Variants in TMEM39A observed in about 807,000 individuals in gnomAD.
TMEM39A encodes the protein suppressor of SQST-1 aggregates in rpl-43 mutants.
A neutral mutation model predicts 51.9 loss-of-function variants in TMEM39A; 19 were observed. The observed-to-expected ratio is 0.37, with a 90% CI of 0.26 to 0.54. The LOEUF is 0.54. Among genes scored for constraint, TMEM39A ranks in the 20% least tolerant of loss-of-function variants. TMEM39A has a pLI of 0.88. For missense variants in TMEM39A, 433 were observed against 590.5 expected (o/e 0.73, Z 2.76); for synonymous variants, 197 against 220.2 (o/e 0.89, Z 0.93).
intron 7 of TMEM39A, among the ~76,000 whole-genome samples, chr3:119,436,268 A>G (rs1439760934): frequency 6.6e-6 from 1 of 152,234 alleles, no homozygotes; most frequent in African/African-American, 2.4e-5. Context: ...ACACAGGAGA[A>G]GCAGGGAAAT....
At chr3:119,451,824 C>A (rs2081203434) in intron 4 of TMEM39A, among the ~76,000 whole-genome samples, 1 of 83,334 alleles carries the variant, frequency 1.2e-5, no homozygotes, top group African/African-American at 5.8e-5. Context: ...GAGTGAAACT[C>A]CGTCTCAAAA....
At chr3:119,452,662 T>C (rs1040766865) in intron 3 of TMEM39A, 132 bp from the exon 4 acceptor site, 4 of 631,174 alleles carry the variant, frequency 6.3e-6, no homozygotes, top group Admixed American at 6.2e-5. Context: ...TATGGGAATA[T>C]GAGAGATCTT....
chr3:119,442,220 G>A lies in TMEM39A; in HGVS notation c.576-4117C>T, dbSNP rs369246864. Among the ~76,000 whole-genome samples the A allele has an allele frequency of 7.2e-5, 11 of 152,106 alleles. No homozygotes were observed. In the South Asian group the frequency reaches 2.1e-3, roughly 29 times the overall value. On this transcript the variant is annotated intron_variant, in intron 5 of 8. Transcript: ENST00000319172. ...TAGCCAGGCATGGTGGCATGCACCT[G>A]TAGTCCCAGCTACTTGGGAGGCTGA...
At chr3:119,435,541 T>A in intron 7 of TMEM39A, 1 of 984,348 alleles carries the variant, frequency 1.0e-6, no homozygotes, top group South Asian at 4.7e-5. Context: ...CATAATGGAG[T>A]TTGGGTGGGG....
Position 119,458,170 on chromosome 3 carries a change from A to G in TMEM39A, c.184T>C (p.Cys62Arg), listed in dbSNP as rs1284588430. 1 of 1,614,222 alleles carries G rather than the reference A, an allele frequency of 6.2e-7. No homozygotes were observed. Among genetic ancestry groups the G allele is most frequent in the East Asian group, 2.2e-5 (1 of 44,888 alleles). The change falls in exon 3 of 9, where the codon TGC becomes CGC. Residue 62 changes from cysteine to arginine, a missense_variant. By Grantham distance (180) the Cys-to-Arg change is radical. Transcript: ENST00000319172. The part of the protein sequence containing the change: ...ALITPGPVRH[C>R]QIPDLPVDGS... ...TCCACAGGCAAGTCAGGAATTTGGC[A>G]ATGACGAACAGGACCTGGGGTGATT...
At chr3:119,452,676 G>GGTACGTAGTCTCTTCA in intron 3 of TMEM39A, 146 bp from the exon 4 acceptor site, 3 of 585,144 alleles carry the variant, frequency 5.1e-6, no homozygotes, top group Non-Finnish European at 8.9e-6. Flanking sequence ...AGATCTTGAA[G>GGTACGTAGTCTCTTCA]AGACTACGTA....
chr3:119,458,856 T>C (rs889874424), intron 2 of TMEM39A, among the ~76,000 whole-genome samples: 4 of 152,046 alleles, frequency 2.6e-5, no homozygotes, highest in Non-Finnish European at 4.4e-5. Flanking sequence ...GGTAGCACCA[T>C]TGCACTACAG....
chr3:119,451,300 G>A (rs1404229517), intron 4 of TMEM39A: 3 of 1,288,854 alleles, frequency 2.3e-6, no homozygotes, highest in Non-Finnish European at 3.0e-6. Flanking sequence ...CTGAAAATCA[G>A]AGCTTACACA....
intron 7 of TMEM39A, chr3:119,435,239 T>C (rs1577047099): frequency 1.0e-6 from 1 of 985,416 alleles, no homozygotes; most frequent in Non-Finnish European, 1.2e-6. Flanking sequence ...GTGGAAATGC[T>C]AGAGGGAACA....
chr3:119,447,360 AGTT>A (rs2081141601), intron 4 of TMEM39A, among the ~76,000 whole-genome samples, 188 bp from the exon 5 acceptor site: 1 of 152,222 alleles, frequency 6.6e-6, no homozygotes, highest in Non-Finnish European at 1.5e-5. Flanking sequence ...CTCCAGGCAC[AGTT>A]GTTTCCTTCT....
chr3:119,435,789 T>C (rs1374760079), intron 7 of TMEM39A: 1 of 1,215,836 alleles, frequency 8.2e-7, no homozygotes. Context: ...CATGGCCATG[T>C]GCCATCAGTA....
In TMEM39A at chr3:119,437,989, A is replaced by C. The variant is rs200639643; in HGVS notation, c.690T>G (p.Thr230=). Residue 230 remains threonine (T), a synonymous_variant, in exon 6 of 9, where the codon ACT becomes ACG. Transcript: ENST00000319172. ...QHEAVEESAS[T]VGGLAKSKDF... ...CTTTGGATTTGGCCAAGCCTCCCAC[A>C]GTCGAGGCACTTTCCTCTACTGCCT... is the stretch of plus-strand genomic sequence containing the variant. 5.1e-5 allele frequency: 83 copies of C among 1,614,216 alleles called. 1 individual carries two copies. The East Asian group carries it at 9.4e-4, about 18-fold the overall frequency.
intron 5 of TMEM39A, among the ~76,000 whole-genome samples, chr3:119,445,752 A>G (rs995840543): frequency 6.6e-5 from 10 of 152,256 alleles, no homozygotes; most frequent in Non-Finnish European, 2.9e-5. Flanking sequence ...TGGACAGATA[A>G]GTATTACACA....
intron 5 of TMEM39A, among the ~76,000 whole-genome samples, chr3:119,440,402 A>G (rs1222937716): frequency 6.6e-6 from 1 of 152,228 alleles, no homozygotes; most frequent in African/African-American, 2.4e-5. Context: ...TAAATTTCCC[A>G]TTGTGAAAAT....
At chr3:119,441,845 C>T (rs1402359802) in intron 5 of TMEM39A, among the ~76,000 whole-genome samples, 4 of 152,204 alleles carry the variant, frequency 2.6e-5, no homozygotes, top group South Asian at 2.1e-4. Flanking sequence ...TAGTGGCTAA[C>T]GCAGCTGGTA....
intron 3 of TMEM39A, among the ~76,000 whole-genome samples, chr3:119,455,670 G>C (rs541273743): frequency 6.6e-6 from 1 of 152,298 alleles, no homozygotes; most frequent in South Asian, 2.1e-4. Flanking sequence ...ATAACAGCAG[G>C]TTCCTGATTA....
In TMEM39A at chr3:119,430,750, G is replaced by A. The variant is rs1168488554; in HGVS notation, c.*1231C>T. 1 of 152,080 alleles carries A rather than the reference G, an allele frequency of 6.6e-6. No homozygotes were observed. 9.4% of individuals were successfully genotyped at this position (152,080 alleles called of 1,614,324 possible). A position where few individuals can be genotyped will look rare whatever the true frequency, so the allele number is the denominator to read the frequency against. ...AAGCCTTTCAGGAACTCTTCTGCAA[G>A]AATTATTTTCAGAGCCAGCTTGTCA... On this transcript the variant is annotated 3_prime_UTR_variant, in exon 9 of 9. Coordinates refer to ENST00000319172, the MANE Select transcript of TMEM39A (RefSeq NM_018266.3).
At chr3:119,443,517 C>T (rs1405606775) in intron 5 of TMEM39A, among the ~76,000 whole-genome samples, 1 of 152,202 alleles carries the variant, frequency 6.6e-6, no homozygotes, top group African/African-American at 2.4e-5. Flanking sequence ...GATTACAACT[C>T]ACTGAAGGCT....
rs1015983797 is a variant in TMEM39A, at chr3:119,430,014, T to G, written c.*1967A>C. ...TGTGCCCATGCCACCCATTTTGCTC[T>G]CAACTGCTGAGTAATCTCATGAAAA... is the stretch of plus-strand genomic sequence containing the variant. On this transcript the variant is annotated 3_prime_UTR_variant, in exon 9 of 9. Transcript: ENST00000319172. 6.6e-6 allele frequency: 1 copy of G among 152,094 alleles called. No homozygotes were observed. The highest frequency in any genetic ancestry group is 1.5e-5 in the Non-Finnish European group (1 of 67,996). The allele number at this position is 152,094 out of a possible 1,614,324, so 9.4% of individuals were successfully genotyped here.
Sources: allele counts gnomAD v4.1 joint callset (sites outside exome capture counted in the v4.1 genomes callset), GRCh38; gene constraint gnomAD v4.1.1; transcripts MANE v1.5; gene names NCBI Gene and HGNC (gene_info 2026-07-23, HGNC 2026-07-21).